Variants in DTNB observed in about 807,000 individuals in gnomAD.
The protein encoded by DTNB is dystrobrevin beta, also known as DTN-B.
A neutral mutation model predicts 90.7 loss-of-function variants in DTNB; 63 were observed. The observed-to-expected ratio is 0.69, with a 90% CI of 0.57 to 0.86. DTNB has a LOEUF of 0.86. Ranked by LOEUF, DTNB falls within the 40% of genes least tolerant of loss-of-function variation. The probability of loss-of-function intolerance (pLI) is 0.00; values close to 1 mark genes in which losing one functional copy is unlikely to be tolerated. For synonymous variants in DTNB, 277 were observed against 286.7 expected, an observed-to-expected ratio of 0.97 and a Z score of 0.34; for missense variants, 744 against 807.1, an observed-to-expected ratio of 0.92 and a Z score of 0.95.
intron 10 of DTNB, among the ~76,000 whole-genome samples, chr2:25,469,147 C>T (rs771535256): frequency 3.9e-5 from 6 of 152,050 alleles, no homozygotes; most frequent in African/African-American, 4.8e-5. Context: ...AGGATGTTTG[C>T]GGAGATCATA....
At chr2:25,418,439 G>T (rs979294301) in intron 16 of DTNB, among the ~76,000 whole-genome samples, 1 of 152,162 alleles carries the variant, frequency 6.6e-6, no homozygotes, top group Non-Finnish European at 1.5e-5. Context: ...GGTGGCTCAC[G>T]CCTGTAATCC....
At chr2:25,639,118 C>A in intron 2 of DTNB, 24 bp from the exon 3 acceptor site, 1 of 1,545,482 alleles carries the variant, frequency 6.5e-7, no homozygotes, top group Non-Finnish European at 8.8e-7. Context: ...AACAGAAATG[C>A]TCAACTAGAT....
chr2:25,536,264 C>T (rs2079725896), intron 8 of DTNB, among the ~76,000 whole-genome samples: 1 of 152,140 alleles, frequency 6.6e-6, no homozygotes. Context: ...AGACAATGGG[C>T]GGCCAGGCAG....
chr2:25,580,233 G>A (rs1042476107), intron 7 of DTNB, among the ~76,000 whole-genome samples: 3 of 151,792 alleles, frequency 2.0e-5, no homozygotes, highest in Non-Finnish European at 2.9e-5. Flanking sequence ...CACCCGCTTC[G>A]GCCTCCCAAA....
chr2:25,649,577 G>A (rs982973618), intron 2 of DTNB, among the ~76,000 whole-genome samples: 8 of 152,036 alleles, frequency 5.3e-5, no homozygotes, highest in African/African-American at 1.9e-4. Flanking sequence ...AAATTAGCCA[G>A]GCCTGCTGGC....
chr2:25,625,068 T>C lies in DTNB; in HGVS notation c.362+3103A>G, dbSNP rs184772942. ...TCCTGACCGTTGTTGTAGGGTCTTA[T>C]ACTCTCTTATTATAATGATCAGAAA... On this transcript the variant is annotated intron_variant, in intron 4 of 20. Coordinates refer to ENST00000406818, the MANE Select transcript of DTNB (RefSeq NM_021907.5). Among the ~76,000 whole-genome samples the C allele has an allele frequency of 1.3e-3, 191 of 152,370 alleles. 1 individual carries two copies. The highest frequency in any genetic ancestry group is 4.2e-3 in the African/African-American group (175 of 41,598).
chr2:25,573,986 T>G (rs2060276930), intron 8 of DTNB, among the ~76,000 whole-genome samples: 1 of 152,156 alleles, frequency 6.6e-6, no homozygotes. Flanking sequence ...TGACGTTCTT[T>G]CCACCAAGAT....
intron 1 of DTNB, among the ~76,000 whole-genome samples, chr2:25,661,204 T>C (rs2083111032): frequency 6.6e-6 from 1 of 152,212 alleles, no homozygotes; most frequent in Non-Finnish European, 1.5e-5. Flanking sequence ...AAAGTTTGCC[T>C]AAGTTAAACT....
chr2:25,516,892 CA>C (rs1302607272), intron 9 of DTNB, among the ~76,000 whole-genome samples: 16 of 148,904 alleles, frequency 1.1e-4, no homozygotes, highest in Admixed American at 2.0e-4. Flanking sequence ...ACCCTGTATC[CA>C]AAAAAAAAAT....
At chr2:25,432,811 A>C in intron 14 of DTNB, 75 bp downstream of exon 14, 3 of 1,425,032 alleles carry the variant, frequency 2.1e-6, no homozygotes, top group Non-Finnish European at 2.9e-6. Context: ...ATTCTACCCC[A>C]CTCCTTTGGT....
At chr2:25,386,781 GA>G (rs1274792299) in intron 18 of DTNB, among the ~76,000 whole-genome samples, 3 of 152,220 alleles carry the variant, frequency 2.0e-5, no homozygotes, top group African/African-American at 7.2e-5. Context: ...CTCAGGTCAT[GA>G]ACTTCAGGTG....
At chr2:25,436,118 T>C (rs1030407350) in intron 12 of DTNB, among the ~76,000 whole-genome samples, 5 of 152,182 alleles carry the variant, frequency 3.3e-5, no homozygotes, top group African/African-American at 4.8e-5. Context: ...AGGAGGATCA[T>C]GAGGTCAGGA....
chr2:25,537,322 T>A (rs1047605280), intron 8 of DTNB, among the ~76,000 whole-genome samples: 3 of 152,232 alleles, frequency 2.0e-5, no homozygotes, highest in Admixed American at 6.5e-5. Flanking sequence ...TTTTGCTATA[T>A]CTGCCATTAA....
chr2:25,405,179 C>T (rs891339486), intron 16 of DTNB, among the ~76,000 whole-genome samples: 1 of 152,142 alleles, frequency 6.6e-6, no homozygotes, highest in Non-Finnish European at 1.5e-5. Flanking sequence ...CCATCTGCCT[C>T]GGCTTCTCAA....
chr2:25,602,527 G>A (rs577554560), intron 5 of DTNB, among the ~76,000 whole-genome samples: 1 of 152,228 alleles, frequency 6.6e-6, no homozygotes, highest in African/African-American at 2.4e-5. Context: ...ATCTGAACAG[G>A]TGAAACTGTT....
intron 6 of DTNB, among the ~76,000 whole-genome samples, chr2:25,581,492 T>C (rs2061543189): frequency 6.6e-6 from 1 of 152,242 alleles, no homozygotes; most frequent in South Asian, 2.1e-4. Context: ...ACAATGCTCC[T>C]GTTATACCAT....
chr2:25,663,142 T>C (rs1253801216), intron 1 of DTNB, among the ~76,000 whole-genome samples: 1 of 152,016 alleles, frequency 6.6e-6, no homozygotes, highest in Non-Finnish European at 1.5e-5. Flanking sequence ...AACTCCCACT[T>C]ATGAGTGAGA....
intron 8 of DTNB, among the ~76,000 whole-genome samples, chr2:25,566,306 G>GCC (rs1328551673): frequency 6.6e-6 from 1 of 152,162 alleles, no homozygotes; most frequent in African/African-American, 2.4e-5. Flanking sequence ...CAAATTGTGC[G>GCC]AACAGGGAGC....
At chr2:25,446,319 C>G (rs1174082479) in intron 12 of DTNB, among the ~76,000 whole-genome samples, 1 of 152,212 alleles carries the variant, frequency 6.6e-6, no homozygotes, top group Non-Finnish European at 1.5e-5. Context: ...TCACTGCAAC[C>G]TTGAACTTCT....
Sources: allele counts gnomAD v4.1 joint callset (sites outside exome capture counted in the v4.1 genomes callset), GRCh38; gene constraint gnomAD v4.1.1; transcripts MANE v1.5; gene names NCBI Gene and HGNC (gene_info 2026-07-23, HGNC 2026-07-21).